Variants in MYRIP observed in about 807,000 individuals in gnomAD.
MYRIP encodes myosin VIIA and Rab interacting protein.
In MYRIP, 49 loss-of-function variants were observed where a neutral mutation model predicts 98.0. The ratio of observed to expected loss-of-function variants is 0.50; its 90% CI spans 0.40 to 0.63. The LOEUF (loss-of-function observed/expected upper bound fraction) is 0.63, where lower values mean the gene tolerates loss of function less well. Ranked by LOEUF, MYRIP falls within the 30% of genes least tolerant of loss-of-function variation. The pLI is 0.00. For missense variants in MYRIP, 1,004 were observed against 1,058.2 expected (o/e 0.95, Z 0.71); for synonymous variants, 404 against 409.5 (o/e 0.99, Z 0.16).
chr3:40,043,775 T>G (rs1376102386), intron 2 of MYRIP, among the ~76,000 whole-genome samples: 1 of 152,248 alleles, frequency 6.6e-6, no homozygotes, highest in East Asian at 1.9e-4. Context: ...ATAACTTGTA[T>G]CTCAATGTAG....
intron 2 of MYRIP, among the ~76,000 whole-genome samples, chr3:39,961,525 C>T (rs1945326430): frequency 1.3e-5 from 2 of 152,078 alleles, no homozygotes; most frequent in African/African-American, 4.8e-5. Flanking sequence ...TCTGGGAGTT[C>T]AACCAGGAAA....
intron 3 of MYRIP, among the ~76,000 whole-genome samples, chr3:40,060,595 T>TGAGAG (rs572789849): frequency 1.0e-4 from 8 of 80,134 alleles, no homozygotes; most frequent in African/African-American, 3.4e-4. Context: ...TTTTCTTTTT[T>TGAGAG]TGAGAGAGAG....
At chr3:40,040,103 C>G (rs936706895) in intron 2 of MYRIP, among the ~76,000 whole-genome samples, 1 of 152,098 alleles carries the variant, frequency 6.6e-6, no homozygotes, top group African/African-American at 2.4e-5. Flanking sequence ...TTATAAGACC[C>G]CTTTTCCAAA....
At chr3:40,194,018 T>C (rs969830372) in intron 10 of MYRIP, among the ~76,000 whole-genome samples, 2 of 152,278 alleles carry the variant, frequency 1.3e-5, no homozygotes, top group East Asian at 1.9e-4. Flanking sequence ...ATTCTCTCCT[T>C]GTCTCTTTTG....
chr3:40,252,134 G>A (rs1953395719), intron 16 of MYRIP, 135 bp downstream of exon 16: 1 of 687,258 alleles, frequency 1.5e-6, no homozygotes, highest in Non-Finnish European at 2.5e-6. Context: ...TGGTCTGTTG[G>A]ATTTGACTGG....
chr3:39,987,710 G>T (rs1178747618), intron 2 of MYRIP, among the ~76,000 whole-genome samples: 2 of 152,154 alleles, frequency 1.3e-5, no homozygotes, highest in Non-Finnish European at 2.9e-5. Context: ...GACTGGCATG[G>T]TTTTGATTTG....
chr3:40,079,268 C>T (rs1433237592), intron 3 of MYRIP, among the ~76,000 whole-genome samples: 1 of 152,224 alleles, frequency 6.6e-6, no homozygotes, highest in Non-Finnish European at 1.5e-5. Flanking sequence ...CATACCAAGG[C>T]TATCCTGGGC....
intron 3 of MYRIP, among the ~76,000 whole-genome samples, chr3:40,125,000 T>C (rs1949492988): frequency 6.6e-6 from 1 of 152,216 alleles, no homozygotes; most frequent in Non-Finnish European, 1.5e-5. Flanking sequence ...GAACTTCAGA[T>C]TCCTCCTCTG....
intron 1 of MYRIP, among the ~76,000 whole-genome samples, chr3:39,877,199 C>CT (rs1447813314): frequency 6.6e-6 from 1 of 152,216 alleles, no homozygotes; most frequent in Non-Finnish European, 1.5e-5. Flanking sequence ...CCACCAGCTC[C>CT]TTTAAGCACT....
At chr3:40,209,262 C>T (rs1252476961) in intron 10 of MYRIP, 1 of 152,446 alleles carries the variant, frequency 6.6e-6, no homozygotes, top group Admixed American at 6.5e-5. Context: ...CTGTGAATAG[C>T]TACTGCACTC....
At chr3:40,247,095 C>T (rs1372329013) in intron 13 of MYRIP, among the ~76,000 whole-genome samples, 7 of 152,126 alleles carry the variant, frequency 4.6e-5, no homozygotes, top group East Asian at 3.8e-4. Flanking sequence ...AATGATTTTG[C>T]AGGAAGTAAT....
chr3:40,198,010 A>G (rs113566085), intron 10 of MYRIP, among the ~76,000 whole-genome samples: 87 of 152,276 alleles, frequency 5.7e-4, no homozygotes, highest in African/African-American at 1.8e-3. Flanking sequence ...CACAGTATTG[A>G]ATACAGAGAT....
At chr3:39,814,310 C>T (rs1940804299) in intron 1 of MYRIP, among the ~76,000 whole-genome samples, 1 of 152,166 alleles carries the variant, frequency 6.6e-6, no homozygotes, top group Admixed American at 6.5e-5. Context: ...ATCTGAGAAG[C>T]TTGGAATGTA....
At chr3:39,843,325 C>T (rs1211465187) in intron 1 of MYRIP, among the ~76,000 whole-genome samples, 1 of 152,086 alleles carries the variant, frequency 6.6e-6, no homozygotes, top group Admixed American at 6.5e-5. Flanking sequence ...ACACTCCAGT[C>T]TAGCTCAAAC....
At chr3:40,210,342 T>A (rs188614410) in intron 11 of MYRIP, among the ~76,000 whole-genome samples, 210 of 152,310 alleles carry the variant, frequency 1.4e-3, no homozygotes, top group Non-Finnish European at 2.4e-3. Flanking sequence ...AGACAGCCCC[T>A]TGGCTTTGAG....
chr3:40,046,887 C>T (rs1174897427), intron 3 of MYRIP, among the ~76,000 whole-genome samples: 3 of 152,130 alleles, frequency 2.0e-5, no homozygotes, highest in Admixed American at 6.6e-5. Flanking sequence ...TAGTCCTCTT[C>T]TCCCCGAGTA....
At chr3:40,134,072 G>T (rs1048106128) in intron 3 of MYRIP, among the ~76,000 whole-genome samples, 20 of 152,200 alleles carry the variant, frequency 1.3e-4, no homozygotes, top group Admixed American at 6.5e-4. Flanking sequence ...TGCGTGAGCC[G>T]AAGCAGGGCG....
chr3:40,108,343 T>A (rs1159441607), intron 3 of MYRIP, among the ~76,000 whole-genome samples: 1 of 151,988 alleles, frequency 6.6e-6, no homozygotes, highest in Non-Finnish European at 1.5e-5. Flanking sequence ...AAATATCCAA[T>A]GAGCAGAGCT....
chr3:40,046,252 T>C (rs1018517015), intron 3 of MYRIP, among the ~76,000 whole-genome samples: 1 of 152,056 alleles, frequency 6.6e-6, no homozygotes, highest in Non-Finnish European at 1.5e-5. Context: ...CTGCATGTTA[T>C]GATTCTGCAC....
Sources: allele counts gnomAD v4.1 joint callset (sites outside exome capture counted in the v4.1 genomes callset), GRCh38; gene constraint gnomAD v4.1.1; transcripts MANE v1.5; gene names NCBI Gene and HGNC (gene_info 2026-07-23, HGNC 2026-07-21).